Variants in CD96 observed in about 807,000 individuals in gnomAD.
CD96 encodes the protein CD96 molecule.
Under a neutral mutation model 71.3 loss-of-function variants are expected in CD96, and 70 were observed. The observed-to-expected ratio is 0.98, with a 90% CI of 0.81 to 1.20. The LOEUF (loss-of-function observed/expected upper bound fraction) is 1.20. CD96 is among the 50% of genes most tolerant of loss of function. CD96 has a pLI of 0.00. For synonymous variants in CD96, 248 were observed against 233.0 expected, an observed-to-expected ratio of 1.06 and a Z score of -0.59; for missense variants, 742 against 677.5, an observed-to-expected ratio of 1.10 and a Z score of -1.06.
downstream of CD96, among the ~76,000 whole-genome samples, chr3:111,655,446 G>A (rs1025830318): frequency 6.6e-6 from 1 of 152,092 alleles, no homozygotes; most frequent in African/African-American, 2.4e-5. Context: ...TAAAAATTAA[G>A]TTATGCGCAA....
intron 2 of CD96, among the ~76,000 whole-genome samples, chr3:111,566,804 T>A (rs1425047133): frequency 3.3e-5 from 5 of 152,202 alleles, no homozygotes; most frequent in Non-Finnish European, 5.9e-5. Flanking sequence ...GTGGGAGGAA[T>A]GTTTATAAAC....
Position 111,600,843 on chromosome 3 carries a change from G to T in CD96, c.1016G>T (p.Cys339Phe). ...PAQSDNLTIW[C>F]MALSPVPGNK... ...CAATCAGACAACTTGACCATTTGGTGTATGGCTCTGTCTCCAGTCCCAGGA... is the reference window on the plus strand; with the variant it reads ...CAATCAGACAACTTGACCATTTGGTTTATGGCTCTGTCTCCAGTCCCAGGA... The change falls in exon 7 of 14, where the codon TGT (cysteine) becomes TTT (phenylalanine). Residue 339 changes from cysteine (C) to phenylalanine (F), a missense_variant. Cys to Phe is a radical substitution (Grantham distance 205, BLOSUM62 -2). Transcript: ENST00000352690. The T allele has an allele frequency of 6.2e-7, 1 of 1,613,010 alleles. No homozygotes were observed. Among genetic ancestry groups the T allele is most frequent in the Non-Finnish European group, 8.5e-7 (1 of 1,179,000 alleles).
chr3:111,547,289 A>G (rs980012326), intron 2 of CD96, among the ~76,000 whole-genome samples: 2 of 152,196 alleles, frequency 1.3e-5, no homozygotes, highest in Admixed American at 1.3e-4. Flanking sequence ...AGCAAATTCT[A>G]TTTCTCAGTT....
intron 4 of CD96, among the ~76,000 whole-genome samples, chr3:111,583,892 C>T (rs959178335): frequency 7.2e-5 from 11 of 152,192 alleles, no homozygotes; most frequent in Non-Finnish European, 1.3e-4. Context: ...GGGACATTTT[C>T]CCCATGGTCT....
chr3:111,574,043 A>G (rs1396488974), intron 3 of CD96, among the ~76,000 whole-genome samples: 2 of 152,200 alleles, frequency 1.3e-5, no homozygotes, highest in African/African-American at 4.8e-5. Context: ...ATGGAGAATA[A>G]ATGGAGGAAA....
intron 5 of CD96, chr3:111,593,971 G>T (rs558915889): frequency 6.2e-7 from 1 of 1,614,176 alleles, no homozygotes; most frequent in African/African-American, 1.3e-5. Context: ...ACAGGCGGCA[G>T]GTGGCATACT....
Position 111,600,710 on chromosome 3 carries a change from C to T in CD96, c.899-16C>T, listed in dbSNP as rs561170402. On this transcript the variant is annotated splice_polypyrimidine_tract_variant and intron_variant, in intron 6 of 13. Coordinates refer to ENST00000352690, the MANE Select transcript of CD96 (RefSeq NM_005816.5). ...TAAAATGTTAGTGTTGAACCATGTT[C>T]GTATCTGTCTGGCAGGAATATATAT... 33 of 1,579,540 alleles carry T rather than the reference C, an allele frequency of 2.1e-5. No individual in the cohort carries two copies. The South Asian group carries it at 2.1e-4, about 10-fold the overall frequency.
intron 2 of CD96, among the ~76,000 whole-genome samples, chr3:111,566,006 T>C (rs1015933656): frequency 6.7e-6 from 1 of 149,362 alleles, no homozygotes; most frequent in East Asian, 1.9e-4. Context: ...TATACTGTTA[T>C]ATAGCATATA....
chr3:111,647,467 G>C (rs1939884829), intron 12 of CD96, 76 bp from the exon 13 acceptor site: 1 of 1,346,370 alleles, frequency 7.4e-7, no homozygotes, highest in African/African-American at 1.4e-5. Flanking sequence ...GTTTCACGTA[G>C]GAAAAATGGT....
intron 6 of CD96, among the ~76,000 whole-genome samples, chr3:111,598,786 G>A (rs971735322): frequency 1.3e-5 from 2 of 152,110 alleles, no homozygotes; most frequent in Non-Finnish European, 2.9e-5. Flanking sequence ...AAGCTCAGGT[G>A]AAAATTCACA....
intron 8 of CD96, among the ~76,000 whole-genome samples, chr3:111,612,361 C>G (rs1329270515): frequency 1.3e-5 from 2 of 152,176 alleles, no homozygotes; most frequent in African/African-American, 4.8e-5. Context: ...AAAAGGTTTT[C>G]AGAGAACAAT....
At chr3:111,585,452 A>T (rs1936666769) in intron 5 of CD96, 74 bp downstream of exon 5, 2 of 957,440 alleles carry the variant, frequency 2.1e-6, no homozygotes, top group East Asian at 4.9e-5. Flanking sequence ...GTTGCCAGGA[A>T]TGTTCTCTCA....
At chr3:111,645,089 T>G (rs1178319620) in intron 12 of CD96, among the ~76,000 whole-genome samples, 1 of 151,928 alleles carries the variant, frequency 6.6e-6, no homozygotes, top group African/African-American at 2.4e-5. Flanking sequence ...CAATTCACAA[T>G]TACAAAATCG....
chr3:111,553,167 T>C (rs1934805571), intron 2 of CD96, among the ~76,000 whole-genome samples: 1 of 144,758 alleles, frequency 6.9e-6, no homozygotes. Flanking sequence ...TGATGTTATA[T>C]TTTGTTTTTT....
intron 5 of CD96, among the ~76,000 whole-genome samples, chr3:111,587,430 G>A (rs1219258783): frequency 1.3e-5 from 2 of 152,174 alleles, no homozygotes; most frequent in Admixed American, 1.3e-4. Context: ...TGGCTTTGCA[G>A]GATACAGCCT....
chr3:111,618,209 C>T (rs1217005518), intron 8 of CD96, among the ~76,000 whole-genome samples: 3 of 152,194 alleles, frequency 2.0e-5, no homozygotes, highest in Non-Finnish European at 4.4e-5. Flanking sequence ...AGACCAAGCA[C>T]AGCCTGCCAA....
At chr3:111,570,318 G>A (rs532945291) in intron 3 of CD96, among the ~76,000 whole-genome samples, 8 of 152,238 alleles carry the variant, frequency 5.3e-5, no homozygotes, top group Admixed American at 1.3e-4. Flanking sequence ...TTTTGGGGGA[G>A]TCGAGGCATT....
Position 111,647,749 on chromosome 3 carries a change from G to A in CD96, c.1601+83G>A. 4.9e-6 allele frequency: 5 copies of A among 1,027,310 alleles called. No homozygotes were observed. In the South Asian group the frequency reaches 6.6e-5, roughly 14 times the overall value. The allele number at this position is 1,027,310 out of a possible 1,614,324, so 63.6% of individuals were successfully genotyped here. ...TCAGTACAATATATTATTACTCTATGAAGTTCCTCCCATATTTTAATGGGG... is the reference window on the plus strand; with the variant it reads ...TCAGTACAATATATTATTACTCTATAAAGTTCCTCCCATATTTTAATGGGG... On this transcript the variant is annotated intron_variant, in intron 13 of 13. Coordinates refer to ENST00000352690, the MANE Select transcript of CD96 (RefSeq NM_005816.5).
chr3:111,617,541 C>T (rs1389858663), intron 8 of CD96, among the ~76,000 whole-genome samples: 1 of 152,150 alleles, frequency 6.6e-6, no homozygotes, highest in African/African-American at 2.4e-5. Flanking sequence ...CTCATCCAGA[C>T]AACTTGCCTG....
Sources: gnomAD v4.1 joint callset for allele counts (sites outside exome capture counted in the v4.1 genomes callset) on GRCh38, gnomAD v4.1.1 for gene constraint, MANE v1.5 for transcripts, NCBI Gene and HGNC (gene_info 2026-07-23, HGNC 2026-07-21) for gene names.